The following P2RX5 variants were observed in gnomAD, a reference collection of about 807,000 sequenced individuals.
P2RX5 encodes the protein purinergic receptor P2X 5, also known as P2X purinoceptor 5.
A neutral mutation model predicts 54.1 loss-of-function variants in P2RX5; 46 were observed. That is an observed-to-expected ratio of 0.85 (90% CI 0.67 to 1.09). P2RX5 has a LOEUF of 1.09. Ranked by LOEUF, P2RX5 falls within the 50% of genes least tolerant of loss-of-function variation. The pLI is 0.00. For synonymous variants in P2RX5, 226 were observed against 226.4 expected, an observed-to-expected ratio of 1.00 and a Z score of 0.02; for missense variants, 566 against 549.8, an observed-to-expected ratio of 1.03 and a Z score of -0.29.
At chr17:3,688,306 T>C (rs2050506195) in intron 8 of P2RX5, among the ~76,000 whole-genome samples, 1 of 152,144 alleles carries the variant, frequency 6.6e-6, no homozygotes. Flanking sequence ...AGACATTCCC[T>C]GAGGAGCAAG....
At chr17:3,699,056 C>G (rs543350344), upstream of P2RX5, among the ~76,000 whole-genome samples, 193 of 65,228 alleles carry the variant, frequency 3.0e-3, no homozygotes, top group South Asian at 9.6e-3. Flanking sequence ...TAGACAGACA[C>G]ACACACACAC....
At chr17:3,714,313 C>T in the P2RX5 span, among the ~76,000 whole-genome samples, 2 of 150,600 alleles carry the variant, frequency 1.3e-5, no homozygotes, top group Non-Finnish European at 3.0e-5. Context: ...CTGCAACCTC[C>T]GCCTCCCAGG....
At chr17:3,689,934 GCACA>G (rs2050560838) in intron 6 of P2RX5, 132 bp downstream of exon 6, 1 of 880,940 alleles carries the variant, frequency 1.1e-6, no homozygotes, top group African/African-American at 1.6e-5. Context: ...GCGCACACAC[GCACA>G]CACGCGAACA....
chr17:3,699,154 G>C (rs1473680123), upstream of P2RX5, among the ~76,000 whole-genome samples: 2 of 151,708 alleles, frequency 1.3e-5, no homozygotes, highest in African/African-American at 2.4e-5. Context: ...CTAGCACCTT[G>C]GGAGGCCAAG....
At chr17:3,711,090 G>A in the P2RX5 span, among the ~76,000 whole-genome samples, 4 of 152,182 alleles carry the variant, frequency 2.6e-5, no homozygotes, top group Non-Finnish European at 4.4e-5. Flanking sequence ...CCCAGGCAGA[G>A]GGTGAAAAGG....
At chr17:3,721,130 T>C in the P2RX5 span, among the ~76,000 whole-genome samples, 4 of 152,000 alleles carry the variant, frequency 2.6e-5, no homozygotes, top group Non-Finnish European at 5.9e-5. Flanking sequence ...GGTTTTACCA[T>C]GTTGCCCAGG....
At chr17:3,713,414 C>A in the P2RX5 span, among the ~76,000 whole-genome samples, 4 of 152,028 alleles carry the variant, frequency 2.6e-5, no homozygotes, top group African/African-American at 9.7e-5. Context: ...AATTAAGACC[C>A]CTTTGAAGAA....
chr17:3,719,262 G>T, the P2RX5 span, among the ~76,000 whole-genome samples: 2 of 130,168 alleles, frequency 1.5e-5, no homozygotes, highest in African/African-American at 7.7e-5. Context: ...AAAAAGAAAA[G>T]AAAAGAAAAA....
chr17:3,678,301 T>C (rs2050150109), intron 11 of P2RX5, among the ~76,000 whole-genome samples: 1 of 152,180 alleles, frequency 6.6e-6, no homozygotes, highest in Non-Finnish European at 1.5e-5. Flanking sequence ...CCAGCACGCA[T>C]AGATGCTCAG....
intron 1 of P2RX5, among the ~76,000 whole-genome samples, chr17:3,692,893 G>C (rs2050656946): frequency 6.6e-6 from 1 of 151,776 alleles, no homozygotes. Context: ...AAAAACGCAA[G>C]CAATAAAAGA....
At chr17:3,683,448 A>G (rs1395401122) in intron 9 of P2RX5, among the ~76,000 whole-genome samples, 1 of 152,226 alleles carries the variant, frequency 6.6e-6, no homozygotes, top group African/African-American at 2.4e-5. Context: ...AAAGTGATGA[A>G]TGGGCTGGGC....
chr17:3,703,641 AG>A, the P2RX5 span, among the ~76,000 whole-genome samples: 1 of 152,172 alleles, frequency 6.6e-6, no homozygotes, highest in Admixed American at 6.5e-5. Context: ...AGCAGCTTGG[AG>A]GTGTCCCTTG....
the P2RX5 span, chr17:3,720,592 T>C: frequency 2.3e-6 from 1 of 444,278 alleles, no homozygotes; most frequent in Non-Finnish European, 4.0e-6. Context: ...TCCTTTTTTT[T>C]TTTTTTTGAG....
the P2RX5 span, among the ~76,000 whole-genome samples, chr17:3,704,365 G>A: frequency 6.6e-6 from 1 of 152,214 alleles, no homozygotes; most frequent in Admixed American, 6.5e-5. Context: ...ACAAGAGTGG[G>A]CAGGGGTGGT....
chr17:3,714,814 T>C, the P2RX5 span: 2 of 1,278,126 alleles, frequency 1.6e-6, no homozygotes, highest in Non-Finnish European at 2.3e-6. Flanking sequence ...GTCCCAGGAC[T>C]GGCTGATAGC....
chr17:3,711,974 G>A, the P2RX5 span, among the ~76,000 whole-genome samples: 110 of 149,322 alleles, frequency 7.4e-4, no homozygotes, highest in African/African-American at 2.6e-3. Context: ...TTGCTCTAAC[G>A]CCAATTGGAT....
In P2RX5 at chr17:3,689,628, C is replaced by G; in HGVS notation, c.617G>C (p.Ser206Thr). The G allele has an allele frequency of 6.2e-7, 1 of 1,614,180 alleles. No homozygotes were observed. Among genetic ancestry groups the G allele is most frequent in the Non-Finnish European group, 8.5e-7 (1 of 1,180,032 alleles). ...TCTGTCCTTGACGTCCATCACATTG[C>G]TTCTGGGTGGAGGCCATGGGCAGCC... ...IRFPKFNFSK[S>T]NVMDVKDRSF... Residue 206 changes from serine to threonine, a missense_variant and splice_region_variant, in exon 7 of 12, where the codon AGC becomes ACC. Physicochemically the swap from Ser to Thr is moderately conservative, Grantham distance 58. Coordinates refer to ENST00000225328, the MANE Select transcript of P2RX5 (RefSeq NM_002561.4).
At chr17:3,720,525 C>T in the P2RX5 span, 8 of 592,908 alleles carry the variant, frequency 1.3e-5, no homozygotes, top group African/African-American at 5.7e-5. Flanking sequence ...ATGGCCCTAA[C>T]GTACACAACA....
chr17:3,723,387 GA>G, the P2RX5 span: 1 of 1,603,562 alleles, frequency 6.2e-7, no homozygotes, highest in Non-Finnish European at 8.5e-7. Context: ...CCACATGCTG[GA>G]AAAGCGAGGT....
Sources: gnomAD v4.1 joint callset for allele counts (sites outside exome capture counted in the v4.1 genomes callset) on GRCh38, gnomAD v4.1.1 for gene constraint, MANE v1.5 for transcripts, NCBI Gene and HGNC (gene_info 2026-07-23, HGNC 2026-07-21) for gene names.